CHMP4B: variants seen among roughly 807,000 people sequenced by gnomAD.
CHMP4B encodes the protein SNF7 homolog associated with Alix 1.
Under a neutral mutation model 25.1 loss-of-function variants are expected in CHMP4B, and 1 was observed. The observed-to-expected ratio is 0.04, with a 90% CI of 0.01 to 0.19. The LOEUF (loss-of-function observed/expected upper bound fraction) is 0.19, where lower values mean the gene tolerates loss of function less well. Among genes scored for constraint, CHMP4B ranks in the 10% least tolerant of loss-of-function variants. The pLI, the probability that CHMP4B is intolerant of heterozygous loss-of-function variation, is 1.00. For synonymous variants in CHMP4B, 101 were observed against 115.6 expected (o/e 0.87, Z 0.81); for missense variants, 151 against 289.7 (o/e 0.52, Z 3.48).
chr20:33,849,111 G>A (rs1979768239), intron 2 of CHMP4B, among the ~76,000 whole-genome samples: 1 of 152,126 alleles, frequency 6.6e-6, no homozygotes, highest in African/African-American at 2.4e-5. Flanking sequence ...TGCTTTTGAT[G>A]GCGTTTTCTG....
At chr20:33,847,363 G>T (rs754574632) in intron 1 of CHMP4B, among the ~76,000 whole-genome samples, 9 of 151,976 alleles carry the variant, frequency 5.9e-5, no homozygotes, top group Non-Finnish European at 1.2e-4. Context: ...ATATGCCAAA[G>T]AAGTATATTT....
chr20:33,841,961 C>T (rs1979554587), intron 1 of CHMP4B, among the ~76,000 whole-genome samples: 1 of 152,074 alleles, frequency 6.6e-6, no homozygotes, highest in South Asian at 2.1e-4. Flanking sequence ...GGGCTGGAAA[C>T]CTGGGTACTA....
At chr20:33,850,593 A>T (rs1979819194) in intron 2 of CHMP4B, among the ~76,000 whole-genome samples, 1 of 152,140 alleles carries the variant, frequency 6.6e-6, no homozygotes, top group Admixed American at 6.5e-5. Context: ...TTGTGCTTTT[A>T]CTTCCCCCTG....
chr20:33,830,933 G>GTTTTTTGTTTTTTT (rs1979223562), intron 1 of CHMP4B, among the ~76,000 whole-genome samples: 2 of 102,524 alleles, frequency 2.0e-5, no homozygotes, highest in African/African-American at 3.7e-5. Flanking sequence ...AAGGAACAGA[G>GTTTTTTGTTTTTTT]TTTTTTTTTT....
intron 1 of CHMP4B, among the ~76,000 whole-genome samples, chr20:33,833,808 A>G (rs1200172306): frequency 6.6e-6 from 1 of 152,160 alleles, no homozygotes; most frequent in Non-Finnish European, 1.5e-5. Flanking sequence ...AGGCATCCAC[A>G]GTAAGTGTCC....
At chr20:33,839,383 C>T (rs564165482) in intron 1 of CHMP4B, among the ~76,000 whole-genome samples, 32 of 152,168 alleles carry the variant, frequency 2.1e-4, no homozygotes, top group Admixed American at 3.9e-4. Flanking sequence ...TTAGGGTAGA[C>T]GTGAGGGAAG....
intron 1 of CHMP4B, among the ~76,000 whole-genome samples, chr20:33,822,128 TG>T (rs1447298723): frequency 1.3e-5 from 2 of 151,644 alleles, no homozygotes; most frequent in Non-Finnish European, 2.9e-5. Flanking sequence ...CACGGCCTAT[TG>T]CTATTTTATT....
At chr20:33,818,477 C>G (rs1224794163) in intron 1 of CHMP4B, among the ~76,000 whole-genome samples, 1 of 152,214 alleles carries the variant, frequency 6.6e-6, no homozygotes, top group East Asian at 1.9e-4. Context: ...GTGCCCTATC[C>G]TCTCACACTA....
intron 4 of CHMP4B, among the ~76,000 whole-genome samples, chr20:33,852,764 C>T (rs533528585): frequency 1.3e-5 from 2 of 152,346 alleles, no homozygotes; most frequent in South Asian, 2.1e-4. Flanking sequence ...CTGTGCTGCG[C>T]ACCCTGCAAA....
intron 1 of CHMP4B, among the ~76,000 whole-genome samples, chr20:33,843,155 C>T (rs183689612): frequency 1.3e-3 from 202 of 152,300 alleles, no homozygotes; most frequent in Admixed American, 1.9e-3. Context: ...TGTATCCTTC[C>T]TCTAAATAGC....
At chr20:33,849,548 A>G (rs1979787497) in intron 2 of CHMP4B, among the ~76,000 whole-genome samples, 1 of 152,208 alleles carries the variant, frequency 6.6e-6, no homozygotes, top group African/African-American at 2.4e-5. Context: ...CAGTGAGCCA[A>G]AATTGCACCA....
chr20:33,848,612 C>A lies in CHMP4B; in HGVS notation c.336C>A (p.Ala112=). The part of the protein sequence containing the change: ...NTEVLKNMGY[A]AKAMKAAHDN... The stretch of plus-strand genomic sequence containing the variant: ...AGGTGCTCAAGAACATGGGCTATGC[C>A]GCCAAGGCCATGAAGGCGGCCCATG... Residue 112 remains alanine, a synonymous_variant, in exon 2 of 5, where the codon GCC becomes GCA. Transcript: ENST00000217402. The A allele has an allele frequency of 6.2e-7, 1 of 1,614,198 alleles. No homozygotes were observed. The highest frequency in any genetic ancestry group is 8.5e-7 in the Non-Finnish European group (1 of 1,180,038).
At chr20:33,813,894 G>A (rs755437233) in intron 1 of CHMP4B, among the ~76,000 whole-genome samples, 2 of 152,018 alleles carry the variant, frequency 1.3e-5, no homozygotes, top group African/African-American at 2.4e-5. Context: ...CACCATGCCT[G>A]GCTAATTTTT....
intron 1 of CHMP4B, among the ~76,000 whole-genome samples, chr20:33,823,668 T>C (rs1294747784): frequency 1.3e-5 from 2 of 152,060 alleles, no homozygotes; most frequent in African/African-American, 2.4e-5. Flanking sequence ...CTCCCAAGTA[T>C]CTGGGATCAT....
chr20:33,838,456 T>C (rs1979449060), intron 1 of CHMP4B, among the ~76,000 whole-genome samples: 1 of 152,144 alleles, frequency 6.6e-6, no homozygotes, highest in East Asian at 1.9e-4. Flanking sequence ...TAGGTGGCAG[T>C]GTGGGCTCAG....
At chr20:33,813,631 C>T (rs368974512) in intron 1 of CHMP4B, among the ~76,000 whole-genome samples, 116 of 152,298 alleles carry the variant, frequency 7.6e-4, no homozygotes, top group Middle Eastern at 3.4e-3. Context: ...TTTTAGCTTT[C>T]TGCATTTTGG....
At chr20:33,827,468 A>G (rs1200786748) in intron 1 of CHMP4B, among the ~76,000 whole-genome samples, 6 of 152,244 alleles carry the variant, frequency 3.9e-5, no homozygotes, top group Non-Finnish European at 1.5e-5. Context: ...TGCTTATTGT[A>G]AAAGTCGAGG....
chr20:33,813,462 G>A (rs931762316), intron 1 of CHMP4B, among the ~76,000 whole-genome samples: 1 of 152,168 alleles, frequency 6.6e-6, no homozygotes, highest in Admixed American at 6.5e-5. Context: ...TGGGAGCAGG[G>A]AGAACAGTGA....
At chr20:33,850,827 T>A (rs990296516) in intron 2 of CHMP4B, 125 bp from the exon 3 acceptor site, 3 of 729,686 alleles carry the variant, frequency 4.1e-6, no homozygotes, top group Non-Finnish European at 7.5e-6. Context: ...TCACAGGGAG[T>A]CATTGCAGGG....
Sources: gnomAD v4.1 joint callset for allele counts (sites outside exome capture counted in the v4.1 genomes callset) on GRCh38, gnomAD v4.1.1 for gene constraint, MANE v1.5 for transcripts, NCBI Gene and HGNC (gene_info 2026-07-23, HGNC 2026-07-21) for gene names.